Variants in RDX observed in about 807,000 individuals in gnomAD.
RDX encodes deafness, autosomal recessive 24.
Under a neutral mutation model 83.7 loss-of-function variants are expected in RDX, and 32 were observed. The ratio of observed to expected loss-of-function variants is 0.38; its 90% CI spans 0.29 to 0.51. The LOEUF is 0.51. RDX is among the 20% of genes least tolerant of loss of function. The pLI is 0.87. For missense variants in RDX, 600 were observed against 689.9 expected, an observed-to-expected ratio of 0.87 and a Z score of 1.46; for synonymous variants, 229 against 222.7, an observed-to-expected ratio of 1.03 and a Z score of -0.25.
At chr11:110,256,227 C>T (rs1266726506) in intron 7 of RDX, among the ~76,000 whole-genome samples, 2 of 152,144 alleles carry the variant, frequency 1.3e-5, no homozygotes, top group African/African-American at 2.4e-5. Context: ...TCTGACAACA[C>T]AGCATGAATT....
chr11:110,179,903 C>CTTTTTTTTTT (rs528601645), intron 15 of RDX: 70 of 364,554 alleles, frequency 1.9e-4, no homozygotes, highest in East Asian at 4.8e-4. Flanking sequence ...TTTCTTTTTT[C>CTTTTTTTTTT]TTTTTTTTTT....
chr11:110,237,778 C>G, intron 10 of RDX, 126 bp from the exon 11 acceptor site: 1 of 1,030,156 alleles, frequency 9.7e-7, no homozygotes, highest in South Asian at 1.3e-5. Context: ...CATGTAAATA[C>G]ATATATACCT....
chr11:110,244,267 CAGA>C (rs1477096149), intron 10 of RDX, among the ~76,000 whole-genome samples: 1 of 142,456 alleles, frequency 7.0e-6, no homozygotes, highest in Non-Finnish European at 1.5e-5. Context: ...GAGGCTGAGA[CAGA>C]AGAATTGCCT....
intron 14 of RDX, among the ~76,000 whole-genome samples, chr11:110,223,250 G>A (rs1156515573): frequency 6.6e-6 from 1 of 152,162 alleles, no homozygotes; most frequent in Non-Finnish European, 1.5e-5. Context: ...TGCTCAGGGA[G>A]GCTGAGGCAG....
intron 2 of RDX, chr11:110,272,975 C>T (rs1460774406): frequency 6.6e-6 from 3 of 457,522 alleles, no homozygotes; most frequent in Non-Finnish European, 1.3e-5. Context: ...ATCTTTAGTC[C>T]CAGCACTTTG....
chr11:110,214,211 A>C (rs1315468230), intron 14 of RDX, among the ~76,000 whole-genome samples: 1 of 151,638 alleles, frequency 6.6e-6, no homozygotes, highest in Non-Finnish European at 1.5e-5. Context: ...AAAAGAAGAC[A>C]TTTATGCAGC....
chr11:110,269,907 T>C (rs1860230609), intron 3 of RDX, among the ~76,000 whole-genome samples: 1 of 151,818 alleles, frequency 6.6e-6, no homozygotes, highest in South Asian at 2.1e-4. Flanking sequence ...CCGGGCATGG[T>C]GGAGCACACT....
chr11:110,200,749 T>C lies in RDX; in HGVS notation c.1749-1071A>G, dbSNP rs114294370. Among the ~76,000 whole-genome samples, 308 of 152,372 alleles carry C rather than the reference T, an allele frequency of 2.0e-3. 2 individuals carry two copies. Among genetic ancestry groups the C allele is most frequent in the African/African-American group, 7.2e-3 (300 of 41,588 alleles). ...AAACAATGACATTTATTAATGGTTT[T>C]ATAATTCTTCTTTAATACTTGAGCT... On this transcript the variant is annotated intron_variant, in intron 14 of 15. Coordinates refer to the RDX transcript ENST00000528498.
chr11:110,262,649 T>A (rs1859852201), intron 5 of RDX, among the ~76,000 whole-genome samples: 1 of 152,100 alleles, frequency 6.6e-6, no homozygotes, highest in Admixed American at 6.6e-5. Flanking sequence ...ATTCCATCAA[T>A]ACTACTAAAT....
intron 7 of RDX, among the ~76,000 whole-genome samples, chr11:110,257,220 CTATT>C (rs1443100107): frequency 6.6e-6 from 1 of 150,918 alleles, no homozygotes; most frequent in Non-Finnish European, 1.5e-5. Context: ...TAATAAAAAA[CTATT>C]TGGTCAATTT....
At chr11:110,212,237 G>A (rs576419505) in intron 14 of RDX, among the ~76,000 whole-genome samples, 3 of 152,294 alleles carry the variant, frequency 2.0e-5, no homozygotes, top group African/African-American at 4.8e-5. Flanking sequence ...AAATCTGGAA[G>A]AAATGGATAA....
At chr11:110,251,895 C>T (rs986394140) in intron 9 of RDX, among the ~76,000 whole-genome samples, 1 of 149,504 alleles carries the variant, frequency 6.7e-6, no homozygotes, top group African/African-American at 2.5e-5. Flanking sequence ...GGTCTCTTTG[C>T]TACTCTTTCC....
intron 3 of RDX, among the ~76,000 whole-genome samples, chr11:110,265,855 T>C (rs529591512): frequency 3.2e-4 from 48 of 152,314 alleles, no homozygotes; most frequent in African/African-American, 1.2e-3. Flanking sequence ...GATATTCCCA[T>C]AGGACTTTAT....
intron 3 of RDX, 82 bp from the exon 4 acceptor site, chr11:110,264,956 G>A: frequency 3.1e-6 from 3 of 975,786 alleles, no homozygotes; most frequent in Non-Finnish European, 4.9e-6. Flanking sequence ...TTCAAAAGGA[G>A]AACAAAACTA....
chr11:110,266,863 T>C (rs964292644), intron 3 of RDX, among the ~76,000 whole-genome samples: 6 of 151,712 alleles, frequency 4.0e-5, no homozygotes, highest in African/African-American at 7.3e-5. Context: ...GCTGGGATTA[T>C]AGATGCAAGC....
intron 14 of RDX, among the ~76,000 whole-genome samples, chr11:110,204,628 T>C (rs1863537684): frequency 6.7e-6 from 1 of 149,452 alleles, no homozygotes; most frequent in African/African-American, 2.5e-5. Context: ...GCGATTCTCC[T>C]GCCTCAGCCT....
chr11:110,209,471 C>G lies in RDX; in HGVS notation c.1749-9793G>C, dbSNP rs1022752659. 4.6e-5 allele frequency among the ~76,000 whole-genome samples: 7 copies of G among 152,216 alleles called. 1 individual carries two copies. Among genetic ancestry groups the G allele is most frequent in the African/African-American group, 1.7e-4 (7 of 41,470 alleles). On this transcript the variant is annotated intron_variant, in intron 14 of 15. Coordinates refer to the RDX transcript ENST00000528498. ...AAACAAAGCAGCCGGGAAGCTCGAACTGGGTGGAGCCCACCACAGCTCAAG... is the reference window on the plus strand; with the variant it reads ...AAACAAAGCAGCCGGGAAGCTCGAAGTGGGTGGAGCCCACCACAGCTCAAG...
Position 110,247,738 on chromosome 11 carries a change from T to C in RDX, c.1055A>G (p.Lys352Arg), listed in dbSNP as rs1859166104. Residue 352 changes from lysine to arginine, a missense_variant, in exon 10 of 14, where the codon AAA (lysine) becomes AGA (arginine). Coordinates refer to ENST00000645495, the MANE Select transcript of RDX (RefSeq NM_002906.4). ...REKEELMERLKQIEEQTIKAQ... is the reference protein window; with the variant it reads ...REKEELMERLRQIEEQTIKAQ... ...TTTAATTGTCTGCTCTTCAATTTGTTTTAGACGTTCCATTAGCTCTTCCTT... is the reference window on the plus strand; with the variant it reads ...TTTAATTGTCTGCTCTTCAATTTGTCTTAGACGTTCCATTAGCTCTTCCTT... The C allele has an allele frequency of 1.9e-6, 3 of 1,612,450 alleles. No individual in the cohort carries two copies. Among genetic ancestry groups the C allele is most frequent in the Admixed American group, 3.3e-5 (2 of 59,914 alleles).
rs573624635 is a variant in RDX, at chr11:110,231,334, T to C, written c.*535A>G. 9 of 158,640 alleles carry C rather than the reference T, an allele frequency of 5.7e-5. No individual in the cohort carries two copies. The South Asian group carries it at 1.6e-3, about 28-fold the overall frequency. The allele number at this position is 158,640 out of a possible 1,614,324, so 9.8% of individuals were successfully genotyped here. A position where few individuals can be genotyped will look rare whatever the true frequency, so the allele number is the denominator to read the frequency against. On this transcript the variant is annotated 3_prime_UTR_variant, in exon 14 of 14. Coordinates refer to ENST00000645495, the MANE Select transcript of RDX (RefSeq NM_002906.4). ...TGATTCATAGCCATATTCTACATGATGATCAAAGACTGTCCACTGTGCTAC... is the reference window on the plus strand; with the variant it reads ...TGATTCATAGCCATATTCTACATGACGATCAAAGACTGTCCACTGTGCTAC...
Sources: gnomAD v4.1 joint callset for allele counts (sites outside exome capture counted in the v4.1 genomes callset) on GRCh38, gnomAD v4.1.1 for gene constraint, MANE v1.5 for transcripts, NCBI Gene and HGNC (gene_info 2026-07-23, HGNC 2026-07-21) for gene names.